Variants in PDE11A observed in about 807,000 individuals in gnomAD.
PDE11A encodes dual 3',5'-cyclic-AMP and -GMP phosphodiesterase 11A.
Under a neutral mutation model 100.5 loss-of-function variants are expected in PDE11A, and 100 were observed. That is an observed-to-expected ratio of 1.00 (90% CI 0.85 to 1.18). The LOEUF is 1.18. PDE11A is among the 50% of genes most tolerant of loss of function. PDE11A has a pLI of 0.00. For missense variants in PDE11A, 1,141 were observed against 1,152.6 expected (o/e 0.99, Z 0.15); for synonymous variants, 381 against 420.8 (o/e 0.91, Z 1.16).
intron 10 of PDE11A, among the ~76,000 whole-genome samples, chr2:177,736,352 AAATACAAAAATT>A (rs1165930511): frequency 1.3e-5 from 2 of 151,950 alleles, no homozygotes; most frequent in Non-Finnish European, 2.9e-5. Flanking sequence ...TCTCTATTAA[AAATACAAAAATT>A]AATACAAAAA....
At chr2:177,756,661 TA>T (rs2082094584) in intron 10 of PDE11A, among the ~76,000 whole-genome samples, 1 of 152,202 alleles carries the variant, frequency 6.6e-6, no homozygotes, top group South Asian at 2.1e-4. Flanking sequence ...AAAATGAACC[TA>T]GTAGCAAGAG....
intron 2 of PDE11A, among the ~76,000 whole-genome samples, chr2:177,944,003 T>G (rs2085374742): frequency 6.6e-6 from 1 of 152,238 alleles, no homozygotes. Context: ...CCTTTACACA[T>G]TCAGAAGTTA....
chr2:177,997,383 T>C (rs2086088940), intron 2 of PDE11A: 2 of 827,976 alleles, frequency 2.4e-6, no homozygotes, highest in Non-Finnish European at 2.1e-6. Context: ...GAACCTGAAG[T>C]TGTATATTCA....
chr2:177,627,143 C>G lies in PDE11A; in HGVS notation c.*2264G>C, dbSNP rs2079848643. ...CCGCCTCGCGGGTTCCCGCCATTCT[C>G]TTGCCTCAGCCTCCCCAGTAGCTGG... On this transcript the variant is annotated 3_prime_UTR_variant, in exon 20 of 20. Transcript: ENST00000286063. The G allele has an allele frequency of 6.7e-6, 1 of 148,442 alleles. No individual in the cohort carries two copies. Among genetic ancestry groups the G allele is most frequent in the Non-Finnish European group, 1.5e-5 (1 of 67,622 alleles). The allele number at this position is 148,442 out of a possible 1,614,324, so 9.2% of individuals were successfully genotyped here. A position where few individuals can be genotyped will look rare whatever the true frequency, so the allele number is the denominator to read the frequency against.
In PDE11A at chr2:177,769,333, T is replaced by C; in HGVS notation, c.1778A>G (p.Asp593Gly). Residue 593 changes from aspartate to glycine, a missense_variant, in exon 10 of 20, where the codon GAC (aspartate) becomes GGC (glycine). Asp to Gly is a moderately conservative substitution (Grantham distance 94). Coordinates refer to ENST00000286063, the MANE Select transcript of PDE11A (RefSeq NM_016953.4). ...CATTTTCTTCCTTACCTTAAACTTG[T>C]CAACTTCAGCTTTTGAACATGTTGC... ...YHATCSKAEV[D>G]KFKAANIPLV... The C allele has an allele frequency of 6.3e-7, 1 of 1,597,738 alleles. No individual in the cohort carries two copies. The highest frequency in any genetic ancestry group is 8.6e-7 in the Non-Finnish European group (1 of 1,165,142).
At chr2:177,669,158 T>C (rs1174385213) in intron 18 of PDE11A, among the ~76,000 whole-genome samples, 1 of 152,206 alleles carries the variant, frequency 6.6e-6, no homozygotes, top group Non-Finnish European at 1.5e-5. Context: ...CTTCCTTTAA[T>C]TTTTGATGCA....
rs143965384 is a variant in PDE11A, at chr2:177,826,104, C to G, written c.1501-5809G>C. On this transcript the variant is annotated intron_variant, in intron 6 of 19. Coordinates refer to ENST00000286063, the MANE Select transcript of PDE11A (RefSeq NM_016953.4). The stretch of plus-strand genomic sequence containing the variant: ...AGTTAGACAACATGAGACAAAGCAG[C>G]CTTTCTAGAAGGCAACAGTTAAACT... 3.3e-5 allele frequency among the ~76,000 whole-genome samples: 5 copies of G among 152,290 alleles called. No individual in the cohort carries two copies. In the East Asian group the frequency reaches 9.6e-4, roughly 29 times the overall value.
intron 5 of PDE11A, among the ~76,000 whole-genome samples, chr2:177,863,241 T>C (rs1047832480): frequency 2.0e-5 from 3 of 151,856 alleles, no homozygotes; most frequent in African/African-American, 7.2e-5. Flanking sequence ...GAGGATAACA[T>C]AGGGAGAAAA....
chr2:177,916,324 G>C (rs1481689249), intron 2 of PDE11A, among the ~76,000 whole-genome samples: 1 of 152,166 alleles, frequency 6.6e-6, no homozygotes, highest in East Asian at 1.9e-4. Flanking sequence ...ATATATTTAA[G>C]GCAGCTGAGA....
intron 10 of PDE11A, among the ~76,000 whole-genome samples, chr2:177,733,210 A>T (rs1268228726): frequency 6.6e-6 from 1 of 152,264 alleles, no homozygotes; most frequent in African/African-American, 2.4e-5. Context: ...TCATATCCCT[A>T]AATCAAAGAG....
intron 19 of PDE11A, among the ~76,000 whole-genome samples, chr2:177,631,299 A>AC (rs2079916293): frequency 1.5e-4 from 4 of 26,708 alleles, no homozygotes; most frequent in Non-Finnish European, 4.1e-4. Flanking sequence ...TGCAAAAAAA[A>AC]AAAAAAAAAA....
At chr2:177,793,839 C>T (rs2082666854) in intron 9 of PDE11A, among the ~76,000 whole-genome samples, 1 of 152,156 alleles carries the variant, frequency 6.6e-6, no homozygotes, top group Admixed American at 6.5e-5. Context: ...GACTGGACCA[C>T]TTTGGTTCAC....
At chr2:177,919,853 C>T (rs543990601) in intron 2 of PDE11A, among the ~76,000 whole-genome samples, 46 of 151,256 alleles carry the variant, frequency 3.0e-4, no homozygotes, top group African/African-American at 1.1e-3. Context: ...TTAAATGAAA[C>T]GAGAAATAAG....
chr2:177,780,215 T>C (rs1157983832), intron 9 of PDE11A, among the ~76,000 whole-genome samples: 3 of 152,160 alleles, frequency 2.0e-5, no homozygotes, highest in African/African-American at 7.2e-5. Flanking sequence ...GCTGTTCCAT[T>C]TATAGTGTAC....
intron 19 of PDE11A, among the ~76,000 whole-genome samples, chr2:177,658,703 C>T (rs920403861): frequency 7.1e-6 from 1 of 141,602 alleles, no homozygotes; most frequent in Non-Finnish European, 1.5e-5. Context: ...AGGAAACTAA[C>T]TGATTTGAGT....
At chr2:177,885,958 G>A (rs1253115723) in intron 4 of PDE11A, among the ~76,000 whole-genome samples, 2 of 152,276 alleles carry the variant, frequency 1.3e-5, no homozygotes, top group African/African-American at 2.4e-5. Context: ...TCTTAACAAC[G>A]AAATAGCTGC....
intron 9 of PDE11A, among the ~76,000 whole-genome samples, chr2:177,802,688 G>A (rs1446471102): frequency 6.6e-6 from 1 of 151,986 alleles, no homozygotes; most frequent in African/African-American, 2.4e-5. Context: ...GTGTCTGGGG[G>A]TAGCAGTGAT....
chr2:177,835,228 C>T (rs1169297512), intron 6 of PDE11A, among the ~76,000 whole-genome samples: 1 of 152,140 alleles, frequency 6.6e-6, no homozygotes, highest in Non-Finnish European at 1.5e-5. Context: ...CCCATATTTG[C>T]TGGGAAGACA....
At chr2:177,887,286 A>C (rs1040540904) in intron 4 of PDE11A, among the ~76,000 whole-genome samples, 20 of 152,306 alleles carry the variant, frequency 1.3e-4, no homozygotes, top group African/African-American at 4.8e-4. Context: ...CAACCTACAT[A>C]ATTGGACAAA....
Sources: allele counts gnomAD v4.1 joint callset (sites outside exome capture counted in the v4.1 genomes callset), GRCh38; gene constraint gnomAD v4.1.1; transcripts MANE v1.5; gene names NCBI Gene and HGNC (gene_info 2026-07-23, HGNC 2026-07-21).